GPR158: variants seen among roughly 807,000 people sequenced by gnomAD.
The protein encoded by GPR158 is G protein-coupled receptor 158.
GPR158 carries 30 observed loss-of-function variants against 78.2 expected under a neutral mutation model. The observed-to-expected ratio is 0.38, with a 90% confidence interval of 0.29 to 0.52. The LOEUF is 0.52. GPR158 is among the 20% of genes least tolerant of loss of function. GPR158 has a pLI of 0.83. For missense variants in GPR158, 1,463 were observed against 1,523.5 expected, an observed-to-expected ratio of 0.96 and a Z score of 0.66; for synonymous variants, 581 against 591.1, an observed-to-expected ratio of 0.98 and a Z score of 0.25.
intron 2 of GPR158, among the ~76,000 whole-genome samples, chr10:25,386,703 T>C (rs138898472): frequency 6.6e-6 from 1 of 152,280 alleles, no homozygotes; most frequent in Non-Finnish European, 1.5e-5. Context: ...TTTTTGATAT[T>C]TTCATTTTAT....
chr10:25,221,037 C>G lies in GPR158; in HGVS notation c.903-15C>G. ...TCCAGATTAATTTGTTCTTTTTATC[C>G]TTTTCTATTTCTAGGGGTGTCATGA... is the stretch of plus-strand genomic sequence containing the variant. On this transcript the variant is annotated splice_polypyrimidine_tract_variant and intron_variant, in intron 1 of 10. Transcript: ENST00000376351. The G allele has an allele frequency of 7.8e-7, 1 of 1,277,662 alleles. No individual in the cohort carries two copies. Among genetic ancestry groups the G allele is most frequent in the East Asian group, 2.3e-5 (1 of 42,762 alleles). 79.1% of individuals were successfully genotyped at this position (1,277,662 alleles called of 1,614,324 possible). A position where few individuals can be genotyped will look rare whatever the true frequency, so the allele number is the denominator to read the frequency against.
At chr10:25,359,629 G>A (rs891615473) in intron 2 of GPR158, among the ~76,000 whole-genome samples, 9 of 152,080 alleles carry the variant, frequency 5.9e-5, no homozygotes, top group African/African-American at 9.7e-5. Flanking sequence ...TGGTATATAC[G>A]TGCCACGTTT....
At chr10:25,592,191 A>G (rs979533382) in intron 8 of GPR158, among the ~76,000 whole-genome samples, 10 of 151,990 alleles carry the variant, frequency 6.6e-5, no homozygotes, top group African/African-American at 2.4e-4. Flanking sequence ...ATGTATGTAT[A>G]TATACATATA....
At chr10:25,466,578 T>G (rs1034035632) in intron 4 of GPR158, 73 bp from the exon 5 acceptor site, 102 of 952,834 alleles carry the variant, frequency 1.1e-4, no homozygotes, top group Middle Eastern at 4.4e-4. Context: ...CATTGTGGCA[T>G]TTTCACAATA....
intron 4 of GPR158, among the ~76,000 whole-genome samples, chr10:25,418,579 A>C (rs1834696994): frequency 2.0e-5 from 3 of 151,338 alleles, no homozygotes; most frequent in Admixed American, 6.6e-5. Context: ...ATATTTTTTA[A>C]TTTATTCTAC....
At chr10:25,334,515 C>T (rs1437316711) in intron 2 of GPR158, among the ~76,000 whole-genome samples, 2 of 151,958 alleles carry the variant, frequency 1.3e-5, no homozygotes, top group African/African-American at 4.8e-5. Context: ...ATTGCTGTGA[C>T]AGGTCAGGTT....
chr10:25,462,313 A>C (rs1835367212), intron 4 of GPR158, among the ~76,000 whole-genome samples: 1 of 152,174 alleles, frequency 6.6e-6, no homozygotes, highest in African/African-American at 2.4e-5. Flanking sequence ...ACTTCTCAGA[A>C]AAAGATTCCT....
chr10:25,313,023 G>A (rs978331604), intron 2 of GPR158, among the ~76,000 whole-genome samples: 1 of 151,782 alleles, frequency 6.6e-6, no homozygotes, highest in Non-Finnish European at 1.5e-5. Context: ...GGATCCTTTG[G>A]GGTTTGCATA....
chr10:25,293,619 G>C (rs1854470497), intron 2 of GPR158, among the ~76,000 whole-genome samples: 1 of 152,172 alleles, frequency 6.6e-6, no homozygotes, highest in Non-Finnish European at 1.5e-5. Flanking sequence ...GGATTGGAGA[G>C]AGGAAATACC....
At chr10:25,414,169 G>C (rs1215222513) in intron 4 of GPR158, among the ~76,000 whole-genome samples, 2 of 152,110 alleles carry the variant, frequency 1.3e-5, no homozygotes, top group African/African-American at 4.8e-5. Context: ...GGTAATACAT[G>C]GTAGGTAAAA....
intron 5 of GPR158, among the ~76,000 whole-genome samples, chr10:25,509,858 T>C (rs2130667818): frequency 6.6e-6 from 1 of 152,284 alleles, no homozygotes; most frequent in Non-Finnish European, 1.5e-5. Flanking sequence ...GGACTATAAG[T>C]GTGTGCCACT....
intron 2 of GPR158, among the ~76,000 whole-genome samples, chr10:25,275,823 T>C (rs868683013): frequency 6.2e-4 from 95 of 152,284 alleles, no homozygotes; most frequent in African/African-American, 2.3e-3. Context: ...GGTTTTTTGG[T>C]TTGTTCAAGA....
At chr10:25,254,416 C>T (rs1307204618) in intron 2 of GPR158, among the ~76,000 whole-genome samples, 1 of 152,060 alleles carries the variant, frequency 6.6e-6, no homozygotes, top group Non-Finnish European at 1.5e-5. Context: ...AACATAACTG[C>T]TTTAGTTTAA....
chr10:25,187,590 T>C (rs913601602), intron 1 of GPR158, among the ~76,000 whole-genome samples: 2 of 152,190 alleles, frequency 1.3e-5, no homozygotes, highest in Non-Finnish European at 2.9e-5. Context: ...CAGCCCTTCA[T>C]GCTAAAAACT....
At chr10:25,250,372 T>G (rs1439310223) in intron 2 of GPR158, among the ~76,000 whole-genome samples, 8 of 139,944 alleles carry the variant, frequency 5.7e-5, no homozygotes, top group Non-Finnish European at 1.1e-4. Flanking sequence ...ATGTGTTTGC[T>G]CTTGCTTTTC....
At chr10:25,533,042 TC>T (rs1836447454) in intron 5 of GPR158, among the ~76,000 whole-genome samples, 1 of 152,224 alleles carries the variant, frequency 6.6e-6, no homozygotes, top group Non-Finnish European at 1.5e-5. Flanking sequence ...AGTGAACCTG[TC>T]CCCTACTAGT....
intron 2 of GPR158, among the ~76,000 whole-genome samples, chr10:25,224,407 T>C (rs1853344355): frequency 6.6e-6 from 1 of 151,550 alleles, no homozygotes; most frequent in African/African-American, 2.4e-5. Flanking sequence ...TATACATCTT[T>C]TGTTATATTT....
intron 5 of GPR158, among the ~76,000 whole-genome samples, chr10:25,497,367 T>A (rs1835895772): frequency 6.6e-6 from 1 of 152,178 alleles, no homozygotes; most frequent in Admixed American, 6.5e-5. Context: ...CCCAATGTAT[T>A]TCCCATGAGG....
chr10:25,185,552 G>T (rs531874971), intron 1 of GPR158, among the ~76,000 whole-genome samples: 9 of 152,178 alleles, frequency 5.9e-5, no homozygotes, highest in Middle Eastern at 3.2e-3. Flanking sequence ...GGCCGGATGT[G>T]GTGGCTCACG....
Sources: gnomAD v4.1 joint callset for allele counts (sites outside exome capture counted in the v4.1 genomes callset) on GRCh38, gnomAD v4.1.1 for gene constraint, MANE v1.5 for transcripts, NCBI Gene and HGNC (gene_info 2026-07-23, HGNC 2026-07-21) for gene names.